The following MAPRE2 variants were observed in gnomAD, a reference collection of about 807,000 sequenced individuals.
MAPRE2 encodes the protein microtubule-associated protein RP/EB family member 2.
A neutral mutation model predicts 43.2 loss-of-function variants in MAPRE2; 13 were observed. The observed-to-expected ratio is 0.30, with a 90% CI of 0.20 to 0.48. The LOEUF is 0.48. Among genes scored for constraint, MAPRE2 ranks in the 20% least tolerant of loss-of-function variants. MAPRE2 has a pLI of 0.99. For missense variants in MAPRE2, 161 were observed against 400.2 expected, an observed-to-expected ratio of 0.40 and a Z score of 5.10; for synonymous variants, 135 against 148.8, an observed-to-expected ratio of 0.91 and a Z score of 0.68.
At chr18:35,060,053 G>T (rs1168607664) in intron 1 of MAPRE2, among the ~76,000 whole-genome samples, 1 of 152,172 alleles carries the variant, frequency 6.6e-6, no homozygotes, top group East Asian at 1.9e-4. Context: ...GCATGCGCCT[G>T]ATTTTATGCA....
At chr18:35,025,282 GC>G (rs34661063) in intron 2 of MAPRE2, among the ~76,000 whole-genome samples, 1 of 152,190 alleles carries the variant, frequency 6.6e-6, no homozygotes, top group African/African-American at 2.4e-5. Context: ...CTGCTGTTCA[GC>G]CTGTTGTGTC....
chr18:35,114,903 A>G (rs1304613672), intron 4 of MAPRE2, among the ~76,000 whole-genome samples: 3 of 152,216 alleles, frequency 2.0e-5, no homozygotes, highest in African/African-American at 7.2e-5. Flanking sequence ...TTTACTTCTC[A>G]GCCTAGCTGT....
intron 1 of MAPRE2, among the ~76,000 whole-genome samples, chr18:34,994,191 G>A (rs1175055707): frequency 1.3e-5 from 2 of 151,808 alleles, no homozygotes; most frequent in African/African-American, 4.8e-5. Flanking sequence ...ATGTGGGATG[G>A]GGAGGGGCAA....
At chr18:35,011,146 A>G (rs569228027) in intron 2 of MAPRE2, among the ~76,000 whole-genome samples, 28 of 152,268 alleles carry the variant, frequency 1.8e-4, no homozygotes, top group African/African-American at 6.7e-4. Flanking sequence ...GTTCCATTCC[A>G]GAGTGCTGAG....
At chr18:35,032,636 T>A (rs1322034990) in intron 2 of MAPRE2, among the ~76,000 whole-genome samples, 2 of 152,186 alleles carry the variant, frequency 1.3e-5, no homozygotes, top group Non-Finnish European at 2.9e-5. Flanking sequence ...GGGTTCAGTC[T>A]TCCTCAATTG....
intron 1 of MAPRE2, among the ~76,000 whole-genome samples, chr18:34,982,918 C>A (rs1224788709): frequency 1.3e-5 from 2 of 151,904 alleles, no homozygotes; most frequent in Non-Finnish European, 2.9e-5. Context: ...TTGAAAATTA[C>A]ATGAAATTCA....
At chr18:35,130,675 A>G (rs1425408565) in intron 5 of MAPRE2, among the ~76,000 whole-genome samples, 4 of 152,222 alleles carry the variant, frequency 2.6e-5, no homozygotes, top group Non-Finnish European at 5.9e-5. Flanking sequence ...GGGCCATGAA[A>G]GACTTAATTT....
chr18:35,084,804 A>G (rs9945760), intron 2 of MAPRE2, among the ~76,000 whole-genome samples: 4,382 of 152,302 alleles, frequency 0.029, 202 homozygotes, highest in African/African-American at 0.1. Flanking sequence ...TAGTGGAGAG[A>G]AGCAGGAAGC....
intron 1 of MAPRE2, among the ~76,000 whole-genome samples, chr18:35,053,509 T>A (rs1005410383): frequency 5.9e-5 from 9 of 152,018 alleles, no homozygotes; most frequent in Admixed American, 3.9e-4. Context: ...ACCTTAGAAG[T>A]TTTATATGAA....
At chr18:35,046,989 G>A (rs1191706142) in intron 1 of MAPRE2, among the ~76,000 whole-genome samples, 1 of 152,158 alleles carries the variant, frequency 6.6e-6, no homozygotes, top group Non-Finnish European at 1.5e-5. Context: ...TCATTATGAA[G>A]CATCTTCCCT....
chr18:34,989,527 T>C (rs1469355011), intron 1 of MAPRE2, among the ~76,000 whole-genome samples: 1 of 152,076 alleles, frequency 6.6e-6, no homozygotes. Flanking sequence ...CTGGGCAACA[T>C]AGTGAGACCC....
chr18:35,131,736 G>A (rs1910156575), intron 5 of MAPRE2, among the ~76,000 whole-genome samples: 2 of 152,166 alleles, frequency 1.3e-5, no homozygotes, highest in African/African-American at 4.8e-5. Flanking sequence ...GTTAGCAGGA[G>A]ACGAAAGCTC....
intron 2 of MAPRE2, among the ~76,000 whole-genome samples, chr18:35,016,396 A>C (rs969862040): frequency 2.0e-5 from 3 of 152,112 alleles, no homozygotes; most frequent in African/African-American, 7.2e-5. Context: ...TGCTTTCAAC[A>C]GTGGCTGAAC....
At chr18:34,985,012 ATGT>A (rs1339731682) in intron 1 of MAPRE2, among the ~76,000 whole-genome samples, 27 of 80,294 alleles carry the variant, frequency 3.4e-4, no homozygotes, top group African/African-American at 1.4e-3. Flanking sequence ...AATATATTTT[ATGT>A]TATATAATAT....
chr18:35,015,512 A>C (rs151173530), intron 2 of MAPRE2, among the ~76,000 whole-genome samples: 505 of 152,164 alleles, frequency 3.3e-3, no homozygotes, highest in Non-Finnish European at 5.9e-3. Flanking sequence ...TAGAGCCAAG[A>C]TTAGGACCCA....
intron 1 of MAPRE2, among the ~76,000 whole-genome samples, chr18:35,001,585 G>A (rs898576563): frequency 6.6e-6 from 1 of 151,990 alleles, no homozygotes; most frequent in Non-Finnish European, 1.5e-5. Context: ...TTGAATATGT[G>A]TATGGTGAAT....
chr18:35,018,162 C>T (rs1178403237), intron 2 of MAPRE2, among the ~76,000 whole-genome samples: 1 of 151,930 alleles, frequency 6.6e-6, no homozygotes, highest in Admixed American at 6.6e-5. Context: ...ACGAAGCCTA[C>T]TTGATCGTGG....
chr18:35,135,460 T>C (rs1218929146), intron 6 of MAPRE2, among the ~76,000 whole-genome samples: 1 of 152,158 alleles, frequency 6.6e-6, no homozygotes, highest in Non-Finnish European at 1.5e-5. Context: ...AGCATTTTCA[T>C]TTCTTCCTGA....
At chr18:35,048,097 C>G (rs1905727773) in intron 1 of MAPRE2, among the ~76,000 whole-genome samples, 2 of 152,304 alleles carry the variant, frequency 1.3e-5, no homozygotes, top group African/African-American at 4.8e-5. Context: ...AGCATCTGCT[C>G]AGCTTCTGGG....
Sources: gnomAD v4.1 joint callset for allele counts (sites outside exome capture counted in the v4.1 genomes callset) on GRCh38, gnomAD v4.1.1 for gene constraint, MANE v1.5 for transcripts, NCBI Gene and HGNC (gene_info 2026-07-23, HGNC 2026-07-21) for gene names.